UBE2E2: variants seen among roughly 807,000 people sequenced by gnomAD.
UBE2E2 encodes ubiquitin conjugating enzyme E2 E2, also known as ubiquitin-conjugating enzyme E2 E2.
In UBE2E2, 6 loss-of-function variants were observed where a neutral mutation model predicts 24.7. The observed-to-expected ratio is 0.24, with a 90% CI of 0.13 to 0.48. The LOEUF (loss-of-function observed/expected upper bound fraction) is 0.48, where lower values mean the gene tolerates loss of function less well. Among genes scored for constraint, UBE2E2 ranks in the 20% least tolerant of loss-of-function variants. The pLI is 0.99. For missense variants in UBE2E2, 169 were observed against 245.0 expected, an observed-to-expected ratio of 0.69 and a Z score of 2.07; for synonymous variants, 104 against 83.6, an observed-to-expected ratio of 1.24 and a Z score of -1.33.
chr3:23,430,708 A>G (rs1033346235), intron 3 of UBE2E2, among the ~76,000 whole-genome samples: 2 of 151,886 alleles, frequency 1.3e-5, no homozygotes, highest in African/African-American at 4.8e-5. Flanking sequence ...TTTTGTAGAG[A>G]TGGGATATCC....
At chr3:23,245,218 C>T (rs144559812) in intron 3 of UBE2E2, among the ~76,000 whole-genome samples, 1 of 152,196 alleles carries the variant, frequency 6.6e-6, no homozygotes, top group South Asian at 2.1e-4. Context: ...AGAGCACTTA[C>T]TGTCTGATAA....
chr3:23,419,733 C>A (rs1295495887), intron 3 of UBE2E2, among the ~76,000 whole-genome samples: 1 of 152,108 alleles, frequency 6.6e-6, no homozygotes, highest in East Asian at 1.9e-4. Context: ...TACCTTCTGA[C>A]AGATATTAGG....
chr3:23,275,837 G>C (rs910506115), intron 3 of UBE2E2, among the ~76,000 whole-genome samples: 3 of 151,984 alleles, frequency 2.0e-5, no homozygotes, highest in African/African-American at 7.2e-5. Flanking sequence ...GAAAACTTAA[G>C]TTTGTATTTG....
intron 3 of UBE2E2, among the ~76,000 whole-genome samples, chr3:23,410,429 A>G (rs1398591274): frequency 6.6e-6 from 1 of 152,148 alleles, no homozygotes; most frequent in Non-Finnish European, 1.5e-5. Context: ...GTTGAGAGTA[A>G]AGATAGAGTG....
chr3:23,368,981 C>A lies in UBE2E2; in HGVS notation c.228-130627C>A, dbSNP rs118077797. Among the ~76,000 whole-genome samples the A allele has an allele frequency of 2.4e-4, 37 of 152,214 alleles. No homozygotes were observed. In the East Asian group the frequency reaches 3.7e-3, roughly 15 times the overall value. On this transcript the variant is annotated intron_variant, in intron 3 of 5. Transcript: ENST00000396703. ...ATTACTCTAAAATATCAGGTTGCAG[C>A]TTTGGTATGTGAATGAATTGAAATG...
chr3:23,249,098 T>G (rs938765860), intron 3 of UBE2E2, among the ~76,000 whole-genome samples: 1 of 151,692 alleles, frequency 6.6e-6, no homozygotes, highest in African/African-American at 2.4e-5. Context: ...TGGCGAAACC[T>G]TGTCTCTCCA....
intron 3 of UBE2E2, among the ~76,000 whole-genome samples, chr3:23,227,942 T>C (rs981543195): frequency 6.6e-6 from 1 of 152,218 alleles, no homozygotes; most frequent in Non-Finnish European, 1.5e-5. Context: ...GCCTTTACCT[T>C]GAGGCTGTCT....
At chr3:23,480,391 A>G (rs1241137493) in intron 3 of UBE2E2, among the ~76,000 whole-genome samples, 1 of 152,188 alleles carries the variant, frequency 6.6e-6, no homozygotes, top group Non-Finnish European at 1.5e-5. Flanking sequence ...CTAGGCCCCC[A>G]AGAGTGCAGG....
At chr3:23,516,142 C>G (rs188789997) in intron 4 of UBE2E2, among the ~76,000 whole-genome samples, 1 of 152,274 alleles carries the variant, frequency 6.6e-6, no homozygotes, top group East Asian at 1.9e-4. Flanking sequence ...TTACACTGTT[C>G]TATTACTGTA....
chr3:23,287,428 A>G (rs987382408), intron 3 of UBE2E2, among the ~76,000 whole-genome samples: 4 of 152,150 alleles, frequency 2.6e-5, no homozygotes, highest in African/African-American at 9.7e-5. Context: ...CAGGGTGATA[A>G]TGGCCTCACG....
At chr3:23,439,224 G>A (rs1233420774) in intron 3 of UBE2E2, among the ~76,000 whole-genome samples, 1 of 152,200 alleles carries the variant, frequency 6.6e-6, no homozygotes, top group African/African-American at 2.4e-5. Flanking sequence ...GCTAACCTGA[G>A]ACTTTCCCTT....
intron 3 of UBE2E2, among the ~76,000 whole-genome samples, chr3:23,370,769 G>C (rs1452074969): frequency 6.6e-6 from 1 of 152,134 alleles, no homozygotes; most frequent in Non-Finnish European, 1.5e-5. Context: ...GAGAGGATAT[G>C]TTGTGTTCTG....
intron 5 of UBE2E2, among the ~76,000 whole-genome samples, chr3:23,539,600 CT>C (rs1238526043): frequency 6.6e-6 from 1 of 152,176 alleles, no homozygotes; most frequent in African/African-American, 2.4e-5. Flanking sequence ...TATCTGTCAA[CT>C]TTACTTGACC....
At chr3:23,574,818 C>T (rs971935902) in intron 5 of UBE2E2, among the ~76,000 whole-genome samples, 1 of 152,176 alleles carries the variant, frequency 6.6e-6, no homozygotes, top group East Asian at 1.9e-4. Flanking sequence ...CATTCACTTG[C>T]TGCTTCACAC....
At chr3:23,368,418 A>G (rs1224185008) in intron 3 of UBE2E2, among the ~76,000 whole-genome samples, 2 of 152,164 alleles carry the variant, frequency 1.3e-5, no homozygotes, top group Non-Finnish European at 2.9e-5. Flanking sequence ...CGTAGAGGCA[A>G]TGAGTGTCTT....
intron 3 of UBE2E2, among the ~76,000 whole-genome samples, chr3:23,293,103 T>C (rs368370569): frequency 9.2e-5 from 14 of 152,314 alleles, no homozygotes; most frequent in South Asian, 2.1e-4. Flanking sequence ...TGTATCCTTT[T>C]TGTGGTGGTG....
At chr3:23,488,181 C>G (rs1312106240) in intron 3 of UBE2E2, among the ~76,000 whole-genome samples, 2 of 149,988 alleles carry the variant, frequency 1.3e-5, no homozygotes, top group African/African-American at 4.9e-5. Flanking sequence ...GATAATAACT[C>G]TTTATACAGA....
intron 3 of UBE2E2, among the ~76,000 whole-genome samples, chr3:23,330,897 T>G (rs1031661964): frequency 6.6e-6 from 1 of 152,230 alleles, no homozygotes. Context: ...AATGAAACTG[T>G]TAAGCTACTT....
chr3:23,552,191 T>G (rs140470943), intron 5 of UBE2E2, among the ~76,000 whole-genome samples: 274 of 152,224 alleles, frequency 1.8e-3, no homozygotes, highest in Middle Eastern at 3.4e-3. Flanking sequence ...ACAGGTGTAT[T>G]AAAGTTTTAG....
Sources: gnomAD v4.1 joint callset for allele counts (sites outside exome capture counted in the v4.1 genomes callset) on GRCh38, gnomAD v4.1.1 for gene constraint, MANE v1.5 for transcripts, NCBI Gene and HGNC (gene_info 2026-07-23, HGNC 2026-07-21) for gene names.